P2RY14: variants seen among roughly 807,000 people sequenced by gnomAD.
P2RY14 encodes P2Y purinoceptor 14.
In P2RY14, 2 loss-of-function variants were observed where a neutral mutation model predicts 0.9. The observed-to-expected ratio is 2.16, with a 90% CI of 0.88 to 6.79. The LOEUF (loss-of-function observed/expected upper bound fraction) is 6.79, where lower values mean the gene tolerates loss of function less well. P2RY14 is among the 30% of genes most tolerant of loss of function. The pLI is 0.05. For synonymous variants in P2RY14, 158 were observed against 147.2 expected (o/e 1.07, Z -0.53); for missense variants, 378 against 400.1 (o/e 0.94, Z 0.47).
At chr3:151,240,601 T>C (rs1733877693) in intron 1 of P2RY14, among the ~76,000 whole-genome samples, 1 of 152,058 alleles carries the variant, frequency 6.6e-6, no homozygotes, top group Non-Finnish European at 1.5e-5. Flanking sequence ...GATTCAAATC[T>C]AGTTGTTTAT....
At chr3:151,259,518 A>T (rs1477519226) in intron 1 of P2RY14, among the ~76,000 whole-genome samples, 1 of 152,222 alleles carries the variant, frequency 6.6e-6, no homozygotes, top group African/African-American at 2.4e-5. Flanking sequence ...GTCTCAGGCA[A>T]ACTGGGGTAT....
At chr3:151,252,497 T>A (rs184490696) in intron 1 of P2RY14, among the ~76,000 whole-genome samples, 1 of 152,162 alleles carries the variant, frequency 6.6e-6, no homozygotes, top group Non-Finnish European at 1.5e-5. Flanking sequence ...TAATTTTGCA[T>A]CTTTGGCACC....
chr3:151,224,233 C>G (rs895847844), intron 1 of P2RY14, among the ~76,000 whole-genome samples: 6 of 152,020 alleles, frequency 3.9e-5, no homozygotes, highest in Non-Finnish European at 7.4e-5. Flanking sequence ...AAAGGTACAA[C>G]TTTTATATAT....
At chr3:151,260,839 A>G (rs1738729230) in intron 1 of P2RY14, among the ~76,000 whole-genome samples, 1 of 152,104 alleles carries the variant, frequency 6.6e-6, no homozygotes, top group Non-Finnish European at 1.5e-5. Context: ...CCTTAGTTGT[A>G]TTCAGACTAA....
intron 1 of P2RY14, among the ~76,000 whole-genome samples, chr3:151,225,147 T>C (rs1730238682): frequency 6.6e-6 from 1 of 152,308 alleles, no homozygotes; most frequent in South Asian, 2.1e-4. Flanking sequence ...TAGGGCTGGG[T>C]AAACAATGTC....
chr3:151,277,132 GC>G (rs2149591284), intron 1 of P2RY14, among the ~76,000 whole-genome samples: 1 of 151,874 alleles, frequency 6.6e-6, no homozygotes, highest in African/African-American at 2.4e-5. Flanking sequence ...CTCCTGACCA[GC>G]CTCTCCTGAG....
chr3:151,223,448 T>C, intron 1 of P2RY14, among the ~76,000 whole-genome samples: 1 of 152,222 alleles, frequency 6.6e-6, no homozygotes, highest in East Asian at 1.9e-4. Context: ...CCTAGGTGCC[T>C]ATCAATGATG....
chr3:151,213,237 T>C lies in P2RY14; in HGVS notation c.*63A>G. On this transcript the variant is annotated 3_prime_UTR_variant, in exon 3 of 3. Coordinates refer to ENST00000309170, the MANE Select transcript of P2RY14 (RefSeq NM_014879.4). ...GATGAGGGCACATATCTTATTGATT[T>C]CTGTTATGTAATTGAAGATGACAAC... 8.0e-7 allele frequency: 1 copy of C among 1,250,844 alleles called. No individual in the cohort carries two copies. The highest frequency in any genetic ancestry group is 1.1e-6 in the Non-Finnish European group (1 of 891,956). 77.5% of individuals were successfully genotyped at this position (1,250,844 alleles called of 1,614,324 possible).
intron 2 of P2RY14, among the ~76,000 whole-genome samples, chr3:151,216,017 C>A (rs901824842): frequency 5.3e-5 from 8 of 152,264 alleles, no homozygotes; most frequent in African/African-American, 1.7e-4. Context: ...ACTTTCCTAG[C>A]CTGGTTTGGG....
chr3:151,257,754 C>G (rs1415239371), intron 1 of P2RY14, among the ~76,000 whole-genome samples: 1 of 152,098 alleles, frequency 6.6e-6, no homozygotes, highest in Non-Finnish European at 1.5e-5. Flanking sequence ...ATTTATGGAG[C>G]TATATCTCAC....
intron 1 of P2RY14, among the ~76,000 whole-genome samples, chr3:151,276,842 T>G (rs1741949077): frequency 1.3e-5 from 2 of 152,170 alleles, no homozygotes; most frequent in Non-Finnish European, 2.9e-5. Context: ...ACTTCCCCTG[T>G]GTCTTCATGC....
intron 1 of P2RY14, among the ~76,000 whole-genome samples, chr3:151,242,778 C>T (rs932002888): frequency 1.3e-5 from 2 of 152,050 alleles, no homozygotes; most frequent in Non-Finnish European, 2.9e-5. Context: ...ATGACTTTGA[C>T]GAGCTGAGAG....
chr3:151,231,254 C>T (rs1360276415), intron 1 of P2RY14, among the ~76,000 whole-genome samples: 1 of 152,210 alleles, frequency 6.6e-6, no homozygotes, highest in African/African-American at 2.4e-5. Flanking sequence ...TTTGCAACCT[C>T]AGTGTGATAA....
intron 1 of P2RY14, among the ~76,000 whole-genome samples, chr3:151,277,427 G>A (rs1166665579): frequency 6.6e-6 from 1 of 151,482 alleles, no homozygotes; most frequent in East Asian, 1.9e-4. Context: ...TTTTTTTTTA[G>A]TGCTAAAACT....
chr3:151,246,667 C>T (rs1449633078), intron 1 of P2RY14, among the ~76,000 whole-genome samples: 1 of 152,076 alleles, frequency 6.6e-6, no homozygotes, highest in African/African-American at 2.4e-5. Context: ...CCATAAAAAC[C>T]CTAGAAGAAA....
intron 1 of P2RY14, among the ~76,000 whole-genome samples, chr3:151,272,211 G>A (rs1741078205): frequency 6.6e-6 from 1 of 152,200 alleles, no homozygotes; most frequent in African/African-American, 2.4e-5. Context: ...TTTGTGCTGT[G>A]TTTTGAAGAT....
chr3:151,216,180 T>C lies in P2RY14; in HGVS notation c.-24-1840A>G, dbSNP rs562453731. Among the ~76,000 whole-genome samples the C allele has an allele frequency of 2.0e-5, 3 of 152,316 alleles. No individual in the cohort carries two copies. In the East Asian group the frequency reaches 5.8e-4, roughly 29 times the overall value. ...AATTCTTTGCATAATATTTAGGGCA[T>C]TAGATAGTTAAAATATTTGTGAAAT... is the stretch of plus-strand genomic sequence containing the variant. On this transcript the variant is annotated intron_variant, in intron 2 of 2. Transcript: ENST00000309170.
At chr3:151,255,453 G>A (rs568402043) in intron 1 of P2RY14, among the ~76,000 whole-genome samples, 1 of 152,186 alleles carries the variant, frequency 6.6e-6, no homozygotes, top group African/African-American at 2.4e-5. Context: ...GCCAGGGGGA[G>A]GGGGCTGGGG....
At chr3:151,225,245 T>C (rs1038827525) in intron 1 of P2RY14, among the ~76,000 whole-genome samples, 15 of 152,206 alleles carry the variant, frequency 9.9e-5, no homozygotes, top group African/African-American at 3.6e-4. Context: ...ACACTCCCCT[T>C]ATTTCTCAGA....
Sources: gnomAD v4.1 joint callset for allele counts (sites outside exome capture counted in the v4.1 genomes callset) on GRCh38, gnomAD v4.1.1 for gene constraint, MANE v1.5 for transcripts, NCBI Gene and HGNC (gene_info 2026-07-23, HGNC 2026-07-21) for gene names.